PRKN: variants seen among roughly 807,000 people sequenced by gnomAD.
PRKN encodes the protein E3 ubiquitin-protein ligase parkin.
Under a neutral mutation model 59.5 loss-of-function variants are expected in PRKN, and 56 were observed. The observed-to-expected ratio is 0.94, with a 90% CI of 0.76 to 1.18. The LOEUF (loss-of-function observed/expected upper bound fraction) is 1.18. Ranked by LOEUF, PRKN falls within the 50% of genes most tolerant of loss-of-function variation. The probability of loss-of-function intolerance (pLI) is 0.00; values close to 1 mark genes in which losing one functional copy is unlikely to be tolerated. For synonymous variants in PRKN, 250 were observed against 222.1 expected, an observed-to-expected ratio of 1.13 and a Z score of -1.12; for missense variants, 657 against 596.4, an observed-to-expected ratio of 1.10 and a Z score of -1.06.
chr6:161,717,162 T>C (rs1333035358), intron 7 of PRKN, among the ~76,000 whole-genome samples: 3 of 152,210 alleles, frequency 2.0e-5, no homozygotes, highest in Non-Finnish European at 4.4e-5. Context: ...ATGGATAATT[T>C]ATAAAGAACA....
intron 1 of PRKN, among the ~76,000 whole-genome samples, chr6:162,458,426 CAA>C (rs376379369): frequency 3.2e-4 from 38 of 116,998 alleles, no homozygotes; most frequent in African/African-American, 9.9e-4. Context: ...GACTCCATCT[CAA>C]AAAAAAAAAA....
intron 5 of PRKN, among the ~76,000 whole-genome samples, chr6:162,046,269 TG>T (rs1426932226): frequency 5.3e-5 from 8 of 152,230 alleles, no homozygotes; most frequent in Non-Finnish European, 1.0e-4. Context: ...TTGAAGCCTC[TG>T]GGGTTTATAA....
At chr6:161,841,323 A>AGC in intron 6 of PRKN, among the ~76,000 whole-genome samples, 1 of 150,084 alleles carries the variant, frequency 6.7e-6, no homozygotes, top group East Asian at 2.0e-4. Flanking sequence ...TCCTCTTCCT[A>AGC]TCTGCCATGA....
At chr6:162,332,264 A>G (rs897011279) in intron 2 of PRKN, among the ~76,000 whole-genome samples, 4 of 152,232 alleles carry the variant, frequency 2.6e-5, no homozygotes, top group Non-Finnish European at 2.9e-5. Flanking sequence ...CCATAGGGCC[A>G]AAACCAGTGA....
intron 7 of PRKN, among the ~76,000 whole-genome samples, chr6:161,572,395 C>G (rs939043021): frequency 6.6e-6 from 1 of 152,064 alleles, no homozygotes; most frequent in African/African-American, 2.4e-5. Context: ...GGCATGGTGG[C>G]TCACACCTGT....
At chr6:162,564,990 A>G (rs1044026111) in intron 1 of PRKN, among the ~76,000 whole-genome samples, 1 of 152,216 alleles carries the variant, frequency 6.6e-6, no homozygotes, top group African/African-American at 2.4e-5. Flanking sequence ...TGGTGTGTAA[A>G]CTACTCTTAC....
intron 6 of PRKN, among the ~76,000 whole-genome samples, chr6:161,872,743 C>G (rs181179302): frequency 2.6e-5 from 4 of 152,176 alleles, no homozygotes; most frequent in South Asian, 2.1e-4. Context: ...AGGACTGTAA[C>G]GGAGTAAGAG....
intron 1 of PRKN, among the ~76,000 whole-genome samples, chr6:162,450,578 T>C (rs182139080): frequency 1.7e-4 from 26 of 152,310 alleles, no homozygotes; most frequent in Admixed American, 1.7e-3. Flanking sequence ...CACAGTGTGA[T>C]GCAATGGGCA....
rs139885045 is a variant in PRKN, at chr6:162,063,169, A to C, written c.535-8995T>G. Among the ~76,000 whole-genome samples the C allele has an allele frequency of 2.2e-4, 33 of 152,334 alleles. No homozygotes were observed. In the East Asian group the frequency reaches 5.4e-3, roughly 25 times the overall value. ...TCATCAAAAACACTAAAATATGACT[A>C]TGCAAGCCACAGACTTGGGAAAATA... On this transcript the variant is annotated intron_variant, in intron 4 of 11. Coordinates refer to ENST00000366898, the MANE Select transcript of PRKN (RefSeq NM_004562.3).
chr6:161,418,867 G>A (rs1261601001), intron 9 of PRKN, among the ~76,000 whole-genome samples: 3 of 152,096 alleles, frequency 2.0e-5, no homozygotes, highest in African/African-American at 4.8e-5. Context: ...AACATTTTGC[G>A]GTTGACTTTG....
intron 9 of PRKN, among the ~76,000 whole-genome samples, chr6:161,510,464 C>A (rs1244352969): frequency 6.6e-6 from 1 of 152,048 alleles, no homozygotes; most frequent in Non-Finnish European, 1.5e-5. Context: ...GTTGTTGTTT[C>A]CAGTTAATCT....
At chr6:162,471,658 TAA>T (rs1440877691) in intron 1 of PRKN, among the ~76,000 whole-genome samples, 1 of 152,244 alleles carries the variant, frequency 6.6e-6, no homozygotes, top group African/African-American at 2.4e-5. Flanking sequence ...GTAAACATTA[TAA>T]GTGTTCATTA....
In PRKN at chr6:161,807,050, T is replaced by A. The variant is rs112758468; in HGVS notation, c.735-21142A>T. Among the ~76,000 whole-genome samples, 360 of 152,350 alleles carry A rather than the reference T, an allele frequency of 2.4e-3. 8 individuals are homozygous for A. In the South Asian group the frequency reaches 0.039, roughly 17 times the overall value. On this transcript the variant is annotated intron_variant, in intron 6 of 11. Coordinates refer to ENST00000366898, the MANE Select transcript of PRKN (RefSeq NM_004562.3). ...TGATTTGCGCTGTAAGTGTTAAACTTTAAAAATAGTCTAAAGGTACTAAAA... is the reference window on the plus strand; with the variant it reads ...TGATTTGCGCTGTAAGTGTTAAACTATAAAAATAGTCTAAAGGTACTAAAA...
At chr6:162,708,666 G>A (rs929226960) in intron 1 of PRKN, among the ~76,000 whole-genome samples, 4 of 152,138 alleles carry the variant, frequency 2.6e-5, no homozygotes, top group Admixed American at 1.3e-4. Flanking sequence ...ATCTAATAGC[G>A]TTTGTTACTC....
intron 5 of PRKN, among the ~76,000 whole-genome samples, chr6:162,032,826 T>A (rs1309847006): frequency 6.6e-6 from 1 of 152,150 alleles, no homozygotes; most frequent in Non-Finnish European, 1.5e-5. Flanking sequence ...GGTATCCTCA[T>A]CACTCTTCCA....
chr6:162,327,376 C>G (rs1050557663), intron 2 of PRKN, among the ~76,000 whole-genome samples: 8 of 152,120 alleles, frequency 5.3e-5, no homozygotes, highest in Non-Finnish European at 1.2e-4. Context: ...TGAAAAAAGA[C>G]ATGAGCAATC....
chr6:162,258,026 C>A (rs1004085525), intron 3 of PRKN, among the ~76,000 whole-genome samples: 3 of 152,138 alleles, frequency 2.0e-5, no homozygotes, highest in Non-Finnish European at 2.9e-5. Context: ...GTTTTCTGGG[C>A]GGGGGCCTGC....
chr6:162,257,408 A>G (rs1326313018), intron 3 of PRKN, among the ~76,000 whole-genome samples: 1 of 152,190 alleles, frequency 6.6e-6, no homozygotes, highest in East Asian at 1.9e-4. Context: ...ACTCTTCAAA[A>G]AGGTCCATTT....
chr6:162,271,127 A>G (rs773995874), intron 2 of PRKN, among the ~76,000 whole-genome samples: 2 of 150,852 alleles, frequency 1.3e-5, no homozygotes, highest in Non-Finnish European at 2.9e-5. Context: ...TGGACTCCCA[A>G]ACACTGGGAT....
Sources: gnomAD v4.1 joint callset for allele counts (sites outside exome capture counted in the v4.1 genomes callset) on GRCh38, gnomAD v4.1.1 for gene constraint, MANE v1.5 for transcripts, NCBI Gene and HGNC (gene_info 2026-07-23, HGNC 2026-07-21) for gene names.